Variants in FGFRL1 observed in about 807,000 individuals in gnomAD.
FGFRL1 encodes the protein fibroblast growth factor receptor-like 1.
A neutral mutation model predicts 36.8 loss-of-function variants in FGFRL1; 24 were observed. The observed-to-expected ratio is 0.65, with a 90% CI of 0.47 to 0.92. The LOEUF (loss-of-function observed/expected upper bound fraction) is 0.92. Among genes scored for constraint, FGFRL1 ranks in the 40% least tolerant of loss-of-function variants. The probability of loss-of-function intolerance (pLI) is 0.00; values close to 1 mark genes in which losing one functional copy is unlikely to be tolerated. For missense variants in FGFRL1, 785 were observed against 753.4 expected (o/e 1.04, Z -0.49); for synonymous variants, 422 against 344.1 (o/e 1.23, Z -2.50).
In FGFRL1 at chr4:1,023,806, C is replaced by T. The variant is rs1716332699; in HGVS notation, c.434-11C>T. The T allele has an allele frequency of 1.3e-6, 2 of 1,572,416 alleles. No individual in the cohort carries two copies. Among genetic ancestry groups the T allele is most frequent in the Non-Finnish European group, 1.7e-6 (2 of 1,158,710 alleles). ...CCCGTCCTCTGACCTCCACGCCACC[C>T]CACCCCGCAGCACGACCGCGCTTCA... On this transcript the variant is annotated splice_polypyrimidine_tract_variant and intron_variant, in intron 4 of 6. Transcript: ENST00000510644. The surrounding 1 kb of genome is among the most constrained non-coding windows in gnomAD (Gnocchi z 6.0).
intron 6 of FGFRL1, 37 bp from the exon 7 acceptor site, chr4:1,024,868 G>A (rs750713958): frequency 5.8e-6 from 9 of 1,547,136 alleles, no homozygotes; most frequent in African/African-American, 4.1e-5. Context: ...TTGTGTCGGC[G>A]TTCCCCTCCC....
intron 2 of FGFRL1, among the ~76,000 whole-genome samples, chr4:1,018,025 G>T (rs967127869): frequency 2.0e-5 from 3 of 152,206 alleles, no homozygotes; most frequent in Non-Finnish European, 4.4e-5. Context: ...AAGAGATATT[G>T]GAGCCCCCGA....
At chr4:1,018,575 T>TG (rs1248830936) in intron 2 of FGFRL1, among the ~76,000 whole-genome samples, 1 of 152,180 alleles carries the variant, frequency 6.6e-6, no homozygotes, top group East Asian at 1.9e-4. Context: ...AGGAGGAGGC[T>TG]GGGGGGTGTC....
intron 2 of FGFRL1, among the ~76,000 whole-genome samples, chr4:1,013,530 C>CT (rs1263623457): frequency 2.3e-5 from 3 of 129,090 alleles, no homozygotes; most frequent in Non-Finnish European, 3.4e-5. Flanking sequence ...GCCACAGCAC[C>CT]CCCCCCTACC....
chr4:1,022,340 G>T lies in FGFRL1; in HGVS notation c.217G>T (p.Gly73Cys). 1 of 1,604,380 alleles carries T rather than the reference G, an allele frequency of 6.2e-7. No individual in the cohort carries two copies. The highest frequency in any genetic ancestry group is 8.5e-7 in the Non-Finnish European group (1 of 1,176,600). The change falls in exon 3 of 7, where the codon GGC becomes TGC. Residue 73 changes from glycine to cysteine, a missense_variant. Physicochemically the swap from Gly to Cys is radical, Grantham distance 159. Coordinates refer to ENST00000510644, the MANE Select transcript of FGFRL1 (RefSeq NM_001004356.3). ...CAAGGATGGCCGCACCATCCACAGC[G>T]GCTGGAGCCGCTTCCGCGTGCTGCC... Reference protein sequence around the residue: ...WTKDGRTIHSGWSRFRVLPQG... With the variant: ...WTKDGRTIHSCWSRFRVLPQG...
chr4:1,015,299 C>T (rs962581787), intron 2 of FGFRL1, among the ~76,000 whole-genome samples: 1 of 152,230 alleles, frequency 6.6e-6, no homozygotes, highest in African/African-American at 2.4e-5. Context: ...ACCCACACCC[C>T]TCTCCCCAGA....
At chr4:1,017,896 C>T (rs967013570) in intron 2 of FGFRL1, among the ~76,000 whole-genome samples, 4 of 145,312 alleles carry the variant, frequency 2.8e-5, no homozygotes, top group East Asian at 2.0e-4. Flanking sequence ...ACACCCACAC[C>T]GTTCTCCCTA....
At position 1,023,796 on chromosome 4, in the gene FGFRL1, C is replaced by T. The variant is rs778580208; in HGVS notation, c.434-21C>T. 3.8e-6 allele frequency: 6 copies of T among 1,567,424 alleles called. No individual in the cohort carries two copies. In the East Asian group the frequency reaches 9.3e-5, roughly 24 times the overall value. On this transcript the variant is annotated intron_variant, in intron 4 of 6. Transcript: ENST00000510644. The surrounding 1 kb of genome is among the most constrained non-coding windows in gnomAD (Gnocchi z 6.0). The stretch of plus-strand genomic sequence containing the variant: ...TGGCTGCATCCCCGTCCTCTGACCT[C>T]CACGCCACCCCACCCCGCAGCACGA...
intron 2 of FGFRL1, among the ~76,000 whole-genome samples, chr4:1,017,001 C>G (rs1268422822): frequency 6.6e-6 from 1 of 152,110 alleles, no homozygotes; most frequent in Non-Finnish European, 1.5e-5. Flanking sequence ...TCTCGGTAAC[C>G]GGGTGGGGGG....
At chr4:1,018,361 G>C (rs796617141) in intron 2 of FGFRL1, among the ~76,000 whole-genome samples, 2 of 152,224 alleles carry the variant, frequency 1.3e-5, no homozygotes, top group Middle Eastern at 3.4e-3. Context: ...GCAGGGGTGG[G>C]GGGGGCGGCG....
In FGFRL1 at chr4:1,024,045, G is replaced by A; in HGVS notation, c.662G>A (p.Cys221Tyr). The change falls in exon 5 of 7, where the codon TGC becomes TAC. Residue 221 changes from cysteine to tyrosine, a missense_variant. By Grantham distance (194) the Cys-to-Tyr change is radical (BLOSUM62 -2). Coordinates refer to ENST00000510644, the MANE Select transcript of FGFRL1 (RefSeq NM_001004356.3). ...CCGGAGGACAGCGGCAAATACACCT[G>A]CCGCGTGTCGAACCGCGCGGGCGCC... ...LRPEDSGKYTCRVSNRAGAIN... is the reference protein window; with the variant it reads ...LRPEDSGKYTYRVSNRAGAIN... 6.2e-7 allele frequency: 1 copy of A among 1,607,042 alleles called. No individual in the cohort carries two copies. The highest frequency in any genetic ancestry group is 1.3e-5 in the African/African-American group (1 of 74,868).
upstream of FGFRL1, among the ~76,000 whole-genome samples, chr4:1,010,569 CA>C (rs1206024961): frequency 1.1e-4 from 17 of 152,206 alleles, no homozygotes; most frequent in Admixed American, 1.1e-3. Context: ...CTTCAGGCCC[CA>C]GAAAGAGAGG....
At chr4:1,016,677 C>T (rs1279282973) in intron 2 of FGFRL1, among the ~76,000 whole-genome samples, 3 of 152,084 alleles carry the variant, frequency 2.0e-5, no homozygotes, top group African/African-American at 7.2e-5. Flanking sequence ...TCCTGTGGGT[C>T]TGCTCCCCGA....
intron 2 of FGFRL1, among the ~76,000 whole-genome samples, chr4:1,019,154 C>T (rs1716045029): frequency 1.3e-5 from 2 of 152,242 alleles, no homozygotes; most frequent in South Asian, 4.1e-4. Flanking sequence ...CCAAGCCTTG[C>T]TTGTATCTGC....
chr4:1,025,087 C>A lies in FGFRL1; in HGVS notation c.1255C>A (p.Pro419Thr), dbSNP rs959267006. ...TGCCCCTCCCCTGCCTGGGCACCGC[C>A]CGCCGGGGACGGCCCGCGACCGCAG... ...APAPPLPGHR[P>T]PGTARDRSGD... The change falls in exon 7 of 7, where the codon CCG becomes ACG. Residue 419 changes from proline (P) to threonine (T), a missense_variant. Coordinates refer to ENST00000510644, the MANE Select transcript of FGFRL1 (RefSeq NM_001004356.3). 6.2e-7 allele frequency: 1 copy of A among 1,610,002 alleles called. No homozygotes were observed.
At chr4:1,015,860 C>T (rs1171509455) in intron 2 of FGFRL1, among the ~76,000 whole-genome samples, 1 of 152,236 alleles carries the variant, frequency 6.6e-6, no homozygotes, top group Non-Finnish European at 1.5e-5. Context: ...AGGCCCTCTA[C>T]ACTCCCTGTA....
intron 1 of FGFRL1, 82 bp from the exon 2 acceptor site, chr4:1,012,388 C>T (rs1471594198): frequency 2.0e-6 from 3 of 1,524,360 alleles, no homozygotes; most frequent in Non-Finnish European, 2.6e-6. Context: ...GCGGCCAGAC[C>T]CCTGATCCCC....
At chr4:1,016,465 C>T (rs370725087) in intron 2 of FGFRL1, among the ~76,000 whole-genome samples, 9 of 152,062 alleles carry the variant, frequency 5.9e-5, no homozygotes, top group African/African-American at 1.9e-4. Context: ...GGGCGTGGGA[C>T]TGCCTGATGA....
At position 1,026,461 on chromosome 4, in the gene FGFRL1, C is replaced by G. The variant is rs530339594; in HGVS notation, c.*1114C>G. ...CCGCCTCAGTCCCCGCCTCCATCCC[C>G]GCCTCTGTCCCCTGGCCTTGGCGGC... is the stretch of plus-strand genomic sequence containing the variant. On this transcript the variant is annotated 3_prime_UTR_variant, in exon 7 of 7. Coordinates refer to ENST00000510644, the MANE Select transcript of FGFRL1 (RefSeq NM_001004356.3). 1 of 165,140 alleles carries G rather than the reference C, an allele frequency of 6.1e-6. No individual in the cohort carries two copies. The highest frequency in any genetic ancestry group is 1.3e-5 in the Non-Finnish European group (1 of 76,454). The allele number at this position is 165,140 out of a possible 1,614,324, so 10.2% of individuals were successfully genotyped here.
Sources: allele counts gnomAD v4.1 joint callset (sites outside exome capture counted in the v4.1 genomes callset), GRCh38; gene constraint gnomAD v4.1.1; non-coding constraint Gnocchi (gnomAD v3.1); transcripts MANE v1.5; gene names NCBI Gene and HGNC (gene_info 2026-07-23, HGNC 2026-07-21).